SLC16A7: variants seen among roughly 807,000 people sequenced by gnomAD.
SLC16A7 encodes the protein solute carrier family 16 member 7.
SLC16A7 carries 33 observed loss-of-function variants against 34.9 expected under a neutral mutation model. The observed-to-expected ratio is 0.94, with a 90% CI of 0.72 to 1.26. The LOEUF is 1.26. Ranked by LOEUF, SLC16A7 falls within the 50% of genes most tolerant of loss-of-function variation. The pLI, the probability that SLC16A7 is intolerant of heterozygous loss-of-function variation, is 0.00. For synonymous variants in SLC16A7, 201 were observed against 206.6 expected (o/e 0.97, Z 0.23); for missense variants, 573 against 578.1 (o/e 0.99, Z 0.09).
At chr12:59,697,330 G>A (rs576257329) in intron 2 of SLC16A7, among the ~76,000 whole-genome samples, 59 of 152,134 alleles carry the variant, frequency 3.9e-4, no homozygotes, top group Admixed American at 1.4e-3. Context: ...ATTAAAATAT[G>A]TCTGGGGATA....
At chr12:59,728,532 G>C (rs1019455966) in intron 3 of SLC16A7, among the ~76,000 whole-genome samples, 5 of 152,208 alleles carry the variant, frequency 3.3e-5, no homozygotes, top group Non-Finnish European at 7.3e-5. Context: ...TCGTCATCCA[G>C]GTGTGGTGGC....
intron 2 of SLC16A7, among the ~76,000 whole-genome samples, chr12:59,698,352 C>T (rs1034001943): frequency 2.0e-5 from 3 of 151,608 alleles, no homozygotes; most frequent in Non-Finnish European, 3.0e-5. Flanking sequence ...AATTTATATA[C>T]ATAAATATAT....
intron 3 of SLC16A7, among the ~76,000 whole-genome samples, chr12:59,706,695 GT>G (rs1281378450): frequency 5.9e-5 from 9 of 152,060 alleles, no homozygotes; most frequent in Non-Finnish European, 1.3e-4. Flanking sequence ...GTTTAATAAT[GT>G]TTTGCTAGAG....
chr12:59,695,598 A>T (rs1199583341), intron 2 of SLC16A7, among the ~76,000 whole-genome samples: 1 of 151,992 alleles, frequency 6.6e-6, no homozygotes, highest in Non-Finnish European at 1.5e-5. Flanking sequence ...CATGCAGATC[A>T]CACTTGCTTC....
chr12:59,663,052 T>C (rs1341877414), intron 2 of SLC16A7, among the ~76,000 whole-genome samples: 1 of 152,016 alleles, frequency 6.6e-6, no homozygotes, highest in Non-Finnish European at 1.5e-5. Context: ...TTTGAGGATT[T>C]TATATGGTAA....
At chr12:59,722,511 C>T (rs973034083) in intron 3 of SLC16A7, among the ~76,000 whole-genome samples, 1 of 151,810 alleles carries the variant, frequency 6.6e-6, no homozygotes, top group Non-Finnish European at 1.5e-5. Flanking sequence ...CTGCTATCTC[C>T]CTGAACCTGT....
At position 59,777,355 on chromosome 12, in the gene SLC16A7, G is replaced by A. The variant is rs114080143; in HGVS notation, c.1180+1880G>A. Among the ~76,000 whole-genome samples, 1,183 of 152,024 alleles carry A rather than the reference G, an allele frequency of 7.8e-3. 15 individuals are homozygous for A. Among genetic ancestry groups the A allele is most frequent in the African/African-American group, 0.024 (989 of 41,494 alleles). The stretch of plus-strand genomic sequence containing the variant: ...TTCTTCTCTATAGTATTTGATTATC[G>A]CTAGAACTGCTGGCCCATAGTAGGC... On this transcript the variant is annotated intron_variant, in intron 5 of 5. Coordinates refer to ENST00000547379, the MANE Select transcript of SLC16A7 (RefSeq NM_001270623.2).
At chr12:59,711,101 C>T (rs1439353412) in intron 3 of SLC16A7, among the ~76,000 whole-genome samples, 1 of 152,180 alleles carries the variant, frequency 6.6e-6, no homozygotes, top group Admixed American at 6.5e-5. Flanking sequence ...AGGAAGATTG[C>T]TAGGACATGG....
At position 59,706,362 on chromosome 12, in the gene SLC16A7, CTG is replaced by C. The variant is rs35397986; in HGVS notation, c.217+1366_217+1367del. On this transcript the variant is annotated intron_variant, in intron 3 of 5. Transcript: ENST00000547379. ...AAACAGTTGATCCTGAAATAATTCC[CTG>C]TGTGTGTGTGTGTGTGTGTGTTTAT... Among the ~76,000 whole-genome samples the C allele has an allele frequency of 3.0e-3, 456 of 150,152 alleles. 2 individuals carry two copies. The highest frequency in any genetic ancestry group is 4.4e-3 in the South Asian group (21 of 4,730).
intron 1 of SLC16A7, among the ~76,000 whole-genome samples, chr12:59,654,682 CAT>C (rs778824457): frequency 9.6e-5 from 14 of 146,490 alleles, no homozygotes; most frequent in South Asian, 4.5e-4. Flanking sequence ...TAAACACACA[CAT>C]AGGCATGCAC....
At chr12:59,690,360 T>C (rs1037526179) in intron 2 of SLC16A7, among the ~76,000 whole-genome samples, 2 of 152,026 alleles carry the variant, frequency 1.3e-5, no homozygotes, top group African/African-American at 2.4e-5. Flanking sequence ...TCTGAGTTCT[T>C]AGCTGTGACC....
chr12:59,757,558 A>T (rs1370574097), intron 3 of SLC16A7, among the ~76,000 whole-genome samples: 2 of 152,194 alleles, frequency 1.3e-5, no homozygotes, highest in Non-Finnish European at 2.9e-5. Flanking sequence ...GAAGAAGATT[A>T]GTCCTCTATA....
At chr12:59,745,848 G>T (rs1565690171) in intron 3 of SLC16A7, among the ~76,000 whole-genome samples, 1 of 152,164 alleles carries the variant, frequency 6.6e-6, no homozygotes, top group East Asian at 1.9e-4. Flanking sequence ...TATCATCAGT[G>T]CCTAGAGCTA....
chr12:59,642,359 C>T (rs938341656), intron 1 of SLC16A7, among the ~76,000 whole-genome samples: 6 of 152,036 alleles, frequency 3.9e-5, no homozygotes, highest in African/African-American at 9.6e-5. Context: ...GTTAGATATC[C>T]GTTCTTAGTG....
intron 2 of SLC16A7, among the ~76,000 whole-genome samples, chr12:59,692,122 A>T (rs1388487146): frequency 6.6e-6 from 1 of 151,990 alleles, no homozygotes; most frequent in Non-Finnish European, 1.5e-5. Context: ...GGCAGTTGGC[A>T]TTCCTTGGCT....
In SLC16A7 at chr12:59,736,401, T is replaced by C. The variant is rs368550137; in HGVS notation, c.217+31383T>C. On this transcript the variant is annotated intron_variant, in intron 3 of 5. Coordinates refer to ENST00000547379, the MANE Select transcript of SLC16A7 (RefSeq NM_001270623.2). ...AAAAACAAAGTTTTTCTAAAACTAA[T>C]TTTAAGCACCATATCCAAATTACTA... Among the ~76,000 whole-genome samples, 190 of 152,308 alleles carry C rather than the reference T, an allele frequency of 1.2e-3. 3 individuals are homozygous for C. In the South Asian group the frequency reaches 0.02, roughly 16 times the overall value.
rs1883496854 is a variant in SLC16A7, at chr12:59,784,746, A to G, written c.*5067A>G. 1 of 152,204 alleles carries G rather than the reference A, an allele frequency of 6.6e-6. No individual in the cohort carries two copies. Among genetic ancestry groups the G allele is most frequent in the Non-Finnish European group, 1.5e-5 (1 of 68,046 alleles). The allele number at this position is 152,204 out of a possible 1,614,324, so 9.4% of individuals were successfully genotyped here. On this transcript the variant is annotated 3_prime_UTR_variant, in exon 6 of 6. Coordinates refer to ENST00000547379, the MANE Select transcript of SLC16A7 (RefSeq NM_001270623.2). ...TGCATTCTTCTCAAAGTCAGCCATGATGCACATATTTATAATTACATACAC... is the reference window on the plus strand; with the variant it reads ...TGCATTCTTCTCAAAGTCAGCCATGGTGCACATATTTATAATTACATACAC...
chr12:59,676,927 A>G (rs946243062), intron 2 of SLC16A7, among the ~76,000 whole-genome samples: 4 of 152,198 alleles, frequency 2.6e-5, no homozygotes, highest in African/African-American at 9.6e-5. Flanking sequence ...GAGGACTACC[A>G]TTCAACTGAA....
chr12:59,677,304 A>C (rs1370011290), intron 2 of SLC16A7, among the ~76,000 whole-genome samples: 1 of 152,192 alleles, frequency 6.6e-6, no homozygotes, highest in East Asian at 1.9e-4. Context: ...TTGAAAATTG[A>C]ACATTAAAAT....
Sources: gnomAD v4.1 joint callset for allele counts (sites outside exome capture counted in the v4.1 genomes callset) on GRCh38, gnomAD v4.1.1 for gene constraint, MANE v1.5 for transcripts, NCBI Gene and HGNC (gene_info 2026-07-23, HGNC 2026-07-21) for gene names.